Variants in CELF2 observed in about 807,000 individuals in gnomAD.
CELF2 encodes the protein CUGBP Elav-like family member 2.
CELF2 carries 8 observed loss-of-function variants against 62.6 expected under a neutral mutation model. The ratio of observed to expected loss-of-function variants is 0.13; its 90% CI spans 0.07 to 0.23. The LOEUF (loss-of-function observed/expected upper bound fraction) is 0.23, where lower values mean the gene tolerates loss of function less well. Among genes scored for constraint, CELF2 ranks in the 10% least tolerant of loss-of-function variants. The probability of loss-of-function intolerance (pLI) is 1.00; values close to 1 mark genes in which losing one functional copy is unlikely to be tolerated. For missense variants in CELF2, 333 were observed against 671.0 expected (o/e 0.50, Z 5.56); for synonymous variants, 258 against 250.0 (o/e 1.03, Z -0.30).
chr10:10,774,864 C>G, the CELF2 span, among the ~76,000 whole-genome samples: 31 of 148,522 alleles, frequency 2.1e-4, no homozygotes, highest in African/African-American at 6.5e-4. Context: ...TATTTATTTA[C>G]TTTTATTTTT....
chr10:11,011,194 T>A lies in CELF2; in HGVS notation c.53+5754T>A, dbSNP rs1467707269. On this transcript the variant is annotated intron_variant, in intron 1 of 12. Coordinates refer to the CELF2 transcript ENST00000416382. The surrounding 1 kb of genome is among the most constrained non-coding windows in gnomAD (Gnocchi z 4.6). ...ATTATGAAATTAAAGTATGAATTTT[T>A]ATGCATCTCGGGGGCCAAAATAGGT... 19 of 152,064 alleles carry A rather than the reference T, an allele frequency of 1.2e-4. No individual in the cohort carries two copies. Among genetic ancestry groups the A allele is most frequent in the Non-Finnish European group, 2.8e-4 (19 of 68,018 alleles). The allele number at this position is 152,064 out of a possible 1,614,324, so 9.4% of individuals were successfully genotyped here. A position where few individuals can be genotyped will look rare whatever the true frequency, so the allele number is the denominator to read the frequency against.
chr10:10,619,361 T>G, the CELF2 span, among the ~76,000 whole-genome samples: 1 of 152,194 alleles, frequency 6.6e-6, no homozygotes, highest in Non-Finnish European at 1.5e-5. Context: ...GTTAAAGTGC[T>G]CTCCCAATTA....
At chr10:11,160,095 G>T (rs984993422) in intron 1 of CELF2, among the ~76,000 whole-genome samples, 1 of 152,230 alleles carries the variant, frequency 6.6e-6, no homozygotes, top group African/African-American at 2.4e-5. Context: ...ACACAGGCAA[G>T]GAATCACAAC....
chr10:10,935,981 A>G (rs927711439), intron 2 of CELF2, among the ~76,000 whole-genome samples: 3 of 149,790 alleles, frequency 2.0e-5, no homozygotes, highest in Non-Finnish European at 2.9e-5. Flanking sequence ...GTGAAACCGC[A>G]TCTCTACTAA....
chr10:11,145,527 T>C lies in CELF2; in HGVS notation c.75-19959T>C, dbSNP rs1363825310. On this transcript the variant is annotated intron_variant, in intron 1 of 12. Transcript: ENST00000633077. The surrounding 1 kb of genome is among the most constrained non-coding windows in gnomAD (Gnocchi z 4.3). ...TTGGTGGGGTGGAGATATTAAAGGA[T>C]AGAATTTTTCTGGGAAATCTATATT... is the stretch of plus-strand genomic sequence containing the variant. Among the ~76,000 whole-genome samples, 1 of 152,220 alleles carries C rather than the reference T, an allele frequency of 6.6e-6. No homozygotes were observed. Among genetic ancestry groups the C allele is most frequent in the Non-Finnish European group, 1.5e-5 (1 of 68,040 alleles).
At chr10:11,213,338 C>G (rs1294509731) in intron 2 of CELF2, among the ~76,000 whole-genome samples, 1 of 152,214 alleles carries the variant, frequency 6.6e-6, no homozygotes, top group Non-Finnish European at 1.5e-5. Flanking sequence ...GGTGCTGCAG[C>G]TGACCTGGAG....
chr10:11,146,891 C>G (rs2062387398), intron 1 of CELF2, among the ~76,000 whole-genome samples: 1 of 152,214 alleles, frequency 6.6e-6, no homozygotes, highest in African/African-American at 2.4e-5. Flanking sequence ...AGCAGCCAGC[C>G]TGTAGCCTTG....
At chr10:11,038,670 T>A (rs1446036696) in intron 1 of CELF2, among the ~76,000 whole-genome samples, 1 of 152,206 alleles carries the variant, frequency 6.6e-6, no homozygotes, top group African/African-American at 2.4e-5. Context: ...ACTGATTTCA[T>A]ACACATTACA....
intron 2 of CELF2, among the ~76,000 whole-genome samples, chr10:11,196,358 A>T (rs1372553652): frequency 2.6e-5 from 4 of 152,376 alleles, no homozygotes; most frequent in Admixed American, 2.6e-4. Context: ...CATAGAATTC[A>T]TCTATTAACA....
the CELF2 span, among the ~76,000 whole-genome samples, chr10:10,510,635 G>A: frequency 1.3e-5 from 2 of 152,156 alleles, no homozygotes; most frequent in Non-Finnish European, 2.9e-5. Context: ...AACAAAATGT[G>A]TAATGCCCCT....
intron 2 of CELF2, among the ~76,000 whole-genome samples, chr10:10,930,387 C>T (rs1410546306): frequency 1.3e-5 from 2 of 152,032 alleles, no homozygotes; most frequent in African/African-American, 4.8e-5. Flanking sequence ...TTAGATTTTC[C>T]TTATCTGCTC....
the CELF2 span, among the ~76,000 whole-genome samples, chr10:10,623,428 A>T: frequency 6.6e-6 from 1 of 152,200 alleles, no homozygotes; most frequent in African/African-American, 2.4e-5. Flanking sequence ...AAAAATGCTA[A>T]TCTTAACAGT....
At chr10:10,871,961 C>A (rs929421148) in intron 1 of CELF2, among the ~76,000 whole-genome samples, 1 of 152,040 alleles carries the variant, frequency 6.6e-6, no homozygotes, top group African/African-American at 2.4e-5. Flanking sequence ...TCTTCCGTTG[C>A]CTATTTGACA....
At chr10:10,627,981 C>T in the CELF2 span, among the ~76,000 whole-genome samples, 1 of 152,202 alleles carries the variant, frequency 6.6e-6, no homozygotes, top group African/African-American at 2.4e-5. Flanking sequence ...CAGCTCACTG[C>T]AGCCTCTGCC....
intron 1 of CELF2, among the ~76,000 whole-genome samples, chr10:10,861,843 C>T (rs975455517): frequency 2.0e-5 from 3 of 152,112 alleles, no homozygotes; most frequent in Non-Finnish European, 4.4e-5. Context: ...TTAATATGCT[C>T]AAAGTTAGAC....
In CELF2 at chr10:11,224,245, T is replaced by C. The variant is rs546386538; in HGVS notation, c.354+6738T>C. On this transcript the variant is annotated intron_variant, in intron 3 of 12. Transcript: ENST00000633077. The surrounding 1 kb of genome is among the most constrained non-coding windows in gnomAD (Gnocchi z 4.5). ...GCTATATCCCTAATTAATAGGACTG[T>C]TGCCAGGGCTTGTGTGAGAAAGTAT... is the stretch of plus-strand genomic sequence containing the variant. Among the ~76,000 whole-genome samples the C allele has an allele frequency of 1.1e-4, 17 of 152,284 alleles. No homozygotes were observed. Among genetic ancestry groups the C allele is most frequent in the African/African-American group, 4.1e-4 (17 of 41,550 alleles).
At chr10:11,256,876 C>T (rs1285676512) in intron 4 of CELF2, among the ~76,000 whole-genome samples, 2 of 152,014 alleles carry the variant, frequency 1.3e-5, no homozygotes, top group African/African-American at 4.8e-5. Flanking sequence ...GCGTGTCGTC[C>T]TCATGATCCC....
At chr10:10,695,882 A>G in the CELF2 span, among the ~76,000 whole-genome samples, 1 of 151,286 alleles carries the variant, frequency 6.6e-6, no homozygotes, top group African/African-American at 2.4e-5. Context: ...ACTTCTCTGT[A>G]TTGGTTATTC....
the CELF2 span, among the ~76,000 whole-genome samples, chr10:10,723,099 A>G: frequency 6.6e-6 from 1 of 152,194 alleles, no homozygotes; most frequent in Non-Finnish European, 1.5e-5. Context: ...CATGGTATCT[A>G]TGAGGAACAA....
Sources: gnomAD v4.1 joint callset for allele counts (sites outside exome capture counted in the v4.1 genomes callset) on GRCh38, gnomAD v4.1.1 for gene constraint, Gnocchi (gnomAD v3.1) non-coding constraint, MANE v1.5 for transcripts, NCBI Gene and HGNC (gene_info 2026-07-23, HGNC 2026-07-21) for gene names.